GCNT4: variants seen among roughly 807,000 people sequenced by gnomAD.
GCNT4 encodes glucosaminyl (N-acetyl) transferase 4, also known as beta-1,3-galactosyl-O-glycosyl-glycoprotein beta-1,6-N-acetylglucosaminyltransferase 4.
A neutral mutation model predicts 31.3 loss-of-function variants in GCNT4; 17 were observed. The observed-to-expected ratio is 0.54, with a 90% CI of 0.37 to 0.81. The LOEUF is 0.81. GCNT4 is among the 40% of genes least tolerant of loss of function. The probability of loss-of-function intolerance (pLI) is 0.00; values close to 1 mark genes in which losing one functional copy is unlikely to be tolerated. For synonymous variants in GCNT4, 158 were observed against 190.6 expected (o/e 0.83, Z 1.41); for missense variants, 503 against 525.5 (o/e 0.96, Z 0.42).
chr5:75,042,641 C>A lies in GCNT4; in HGVS notation c.-2+5256G>T, dbSNP rs965785012. On this transcript the variant is annotated intron_variant, in intron 3 of 3. Coordinates refer to ENST00000652361, the MANE Select transcript of GCNT4 (RefSeq NM_001366737.1). ...ACACTCTTCATGAATGGATTAGACA[C>A]CCTGAGTTTAAAATCATCACCCTGA... 2.0e-5 allele frequency among the ~76,000 whole-genome samples: 3 copies of A among 152,266 alleles called. No homozygotes were observed. The East Asian group carries it at 5.8e-4, about 29-fold the overall frequency.
chr5:75,024,249 TCACCAC>T (rs1400918753), downstream of GCNT4, among the ~76,000 whole-genome samples: 1 of 152,200 alleles, frequency 6.6e-6, no homozygotes, highest in Non-Finnish European at 1.5e-5. Context: ...TAGACCTGCC[TCACCAC>T]CACTGGCACC....
In GCNT4 at chr5:75,027,623, T is replaced by C. The variant is rs1742977169; in HGVS notation, c.*1053A>G. 1.3e-5 allele frequency: 2 copies of C among 152,152 alleles called. No homozygotes were observed. Among genetic ancestry groups the C allele is most frequent in the Non-Finnish European group, 2.9e-5 (2 of 67,922 alleles). The allele number at this position is 152,152 out of a possible 1,614,324, so 9.4% of individuals were successfully genotyped here. On this transcript the variant is annotated 3_prime_UTR_variant, in exon 4 of 4. Coordinates refer to ENST00000652361, the MANE Select transcript of GCNT4 (RefSeq NM_001366737.1). Reference sequence around the variant, plus strand: ...TATCACTTTAAATCTGGATTCCAGTTGGACAGTTGCCAGAGAAGAAAAAAT... The same window carrying C: ...TATCACTTTAAATCTGGATTCCAGTCGGACAGTTGCCAGAGAAGAAAAAAT...
Position 75,050,631 on chromosome 5 carries a change from A to T in GCNT4, c.-143+1538T>A, listed in dbSNP as rs372771081. Among the ~76,000 whole-genome samples the T allele has an allele frequency of 1.5e-3, 222 of 152,210 alleles. 3 individuals are homozygous for T. Among genetic ancestry groups the T allele is most frequent in the African/African-American group, 5.1e-3 (212 of 41,502 alleles). On this transcript the variant is annotated intron_variant, in intron 2 of 3. Transcript: ENST00000652361. ...GCCTCGAAAGCTGCCCAGACCCAAT[A>T]AAACCAAACTTGTCTTTCCTCCTCC... is the stretch of plus-strand genomic sequence containing the variant.
At chr5:75,043,220 A>ACTC (rs756554881) in intron 3 of GCNT4, among the ~76,000 whole-genome samples, 3 of 152,174 alleles carry the variant, frequency 2.0e-5, no homozygotes, top group Non-Finnish European at 2.9e-5. Flanking sequence ...CAAAAACCAG[A>ACTC]CTCTTCAGAT....
At chr5:75,033,128 C>T (rs1285123736) in intron 3 of GCNT4, among the ~76,000 whole-genome samples, 2 of 152,168 alleles carry the variant, frequency 1.3e-5, no homozygotes, top group African/African-American at 2.4e-5. Context: ...TACCAAGTCT[C>T]CCAGAGTTGT....
At chr5:75,053,473 C>G (rs1743636372), upstream of GCNT4, among the ~76,000 whole-genome samples, 1 of 152,098 alleles carries the variant, frequency 6.6e-6, no homozygotes, top group African/African-American at 2.4e-5. Flanking sequence ...CATCTCCAGC[C>G]CCGGGCGACC....
In GCNT4 at chr5:75,027,076, T is replaced by C. The variant is rs1447611817; in HGVS notation, c.*1600A>G. 6.6e-6 allele frequency: 1 copy of C among 151,572 alleles called. No homozygotes were observed. The highest frequency in any genetic ancestry group is 1.5e-5 in the Non-Finnish European group (1 of 67,940). The allele number at this position is 151,572 out of a possible 1,614,324, so 9.4% of individuals were successfully genotyped here. On this transcript the variant is annotated 3_prime_UTR_variant, in exon 4 of 4. Transcript: ENST00000652361. ...TATTTTGGGCTAGATTTACTACATC[T>C]TTAAATATAATATCTGAGGCTACAT... is the stretch of plus-strand genomic sequence containing the variant.
chr5:75,018,259 G>A, the GCNT4 span, among the ~76,000 whole-genome samples: 1 of 151,984 alleles, frequency 6.6e-6, no homozygotes, highest in Non-Finnish European at 1.5e-5. Flanking sequence ...AGTCACCGGG[G>A]GTAACATGTT....
At chr5:75,030,229 T>C (rs1438540234) in intron 3 of GCNT4, 191 bp from the exon 4 acceptor site, 1 of 589,718 alleles carries the variant, frequency 1.7e-6, no homozygotes, top group African/African-American at 1.9e-5. Flanking sequence ...TATTTTGGGG[T>C]ATTCTGTGTT....
At chr5:75,019,550 C>T in the GCNT4 span, among the ~76,000 whole-genome samples, 24 of 152,244 alleles carry the variant, frequency 1.6e-4, no homozygotes, top group Non-Finnish European at 2.5e-4. Context: ...TCAGCTCTGA[C>T]AGTTATTAGC....
At chr5:75,050,398 T>G (rs1411905384) in intron 2 of GCNT4, among the ~76,000 whole-genome samples, 1 of 152,120 alleles carries the variant, frequency 6.6e-6, no homozygotes. Flanking sequence ...CATTCACATA[T>G]GTCTAAGGCT....
intron 3 of GCNT4, among the ~76,000 whole-genome samples, chr5:75,036,330 T>A (rs540218349): frequency 9.2e-5 from 14 of 152,110 alleles, no homozygotes; most frequent in African/African-American, 2.9e-4. Context: ...ATGAGGTAGG[T>A]ACTACTGTTA....
chr5:75,040,780 TC>T (rs1398784640), intron 3 of GCNT4, among the ~76,000 whole-genome samples: 1 of 152,228 alleles, frequency 6.6e-6, no homozygotes, highest in East Asian at 1.9e-4. Context: ...CATTCATTAT[TC>T]CCTTCATTCT....
chr5:75,020,447 A>C (rs1230148137), downstream of GCNT4, among the ~76,000 whole-genome samples: 1 of 152,140 alleles, frequency 6.6e-6, no homozygotes, highest in Non-Finnish European at 1.5e-5. Context: ...CTGGCCTTGC[A>C]GGCCAGGGAG....
intron 3 of GCNT4, among the ~76,000 whole-genome samples, chr5:75,042,767 A>G (rs1240884317): frequency 6.6e-6 from 1 of 152,202 alleles, no homozygotes. Context: ...ATGCTTCTGC[A>G]CTTCCACTGA....
In GCNT4 at chr5:75,028,405, G is replaced by C. The variant is rs1325933471; in HGVS notation, c.*271C>G. 2.4e-6 allele frequency: 1 copy of C among 410,480 alleles called. No homozygotes were observed. Among genetic ancestry groups the C allele is most frequent in the Non-Finnish European group, 4.3e-6 (1 of 232,640 alleles). The allele number at this position is 410,480 out of a possible 1,614,324, so 25.4% of individuals were successfully genotyped here. On this transcript the variant is annotated 3_prime_UTR_variant, in exon 4 of 4. Transcript: ENST00000652361. ...TAAAAAAGTGCCTGTCATATAGTTAGGTGCTCAATAATGTTTGATGACTGA... is the reference window on the plus strand; with the variant it reads ...TAAAAAAGTGCCTGTCATATAGTTACGTGCTCAATAATGTTTGATGACTGA...
chr5:75,019,923 A>AT, the GCNT4 span, among the ~76,000 whole-genome samples: 1 of 152,238 alleles, frequency 6.6e-6, no homozygotes, highest in Non-Finnish European at 1.5e-5. Context: ...CAAATGGTGA[A>AT]TACAAAGACA....
chr5:75,020,315 C>CAG, the GCNT4 span, among the ~76,000 whole-genome samples: 8 of 152,102 alleles, frequency 5.3e-5, no homozygotes, highest in Admixed American at 3.9e-4. Context: ...TGCTGCTGCC[C>CAG]AGAGAGAGAG....
upstream of GCNT4, chr5:75,052,662 G>A (rs941522760): frequency 2.0e-5 from 3 of 152,216 alleles, no homozygotes; most frequent in African/African-American, 7.2e-5. Flanking sequence ...GAACAACTCG[G>A]AGGCCCCCTC....
Sources: allele counts gnomAD v4.1 joint callset (sites outside exome capture counted in the v4.1 genomes callset), GRCh38; gene constraint gnomAD v4.1.1; transcripts MANE v1.5; gene names NCBI Gene and HGNC (gene_info 2026-07-23, HGNC 2026-07-21).